CRTAM: variants seen among roughly 807,000 people sequenced by gnomAD.
CRTAM encodes the protein cytotoxic and regulatory T cell molecule, also known as cytotoxic and regulatory T-cell molecule.
In CRTAM, 44 loss-of-function variants were observed where a neutral mutation model predicts 50.0. The ratio of observed to expected loss-of-function variants is 0.88; its 90% CI spans 0.69 to 1.13. The LOEUF (loss-of-function observed/expected upper bound fraction) is 1.13. CRTAM is among the 50% of genes most tolerant of loss of function. The probability of loss-of-function intolerance (pLI) is 0.00; values close to 1 mark genes in which losing one functional copy is unlikely to be tolerated. For synonymous variants in CRTAM, 159 were observed against 169.3 expected, an observed-to-expected ratio of 0.94 and a Z score of 0.47; for missense variants, 448 against 457.5, an observed-to-expected ratio of 0.98 and a Z score of 0.19.
intron 7 of CRTAM, among the ~76,000 whole-genome samples, 160 bp from the exon 8 acceptor site, chr11:122,867,249 G>A (rs1484868186): frequency 2.6e-5 from 4 of 151,574 alleles, no homozygotes; most frequent in African/African-American, 9.7e-5. Context: ...AATGAACAAT[G>A]TAAGTCTCTT....
At chr11:122,870,890 G>T (rs1591359322) in intron 9 of CRTAM, among the ~76,000 whole-genome samples, 3 of 152,076 alleles carry the variant, frequency 2.0e-5, no homozygotes, top group Admixed American at 2.0e-4. Flanking sequence ...ACCAGCCTAG[G>T]CAATATAGTG....
chr11:122,867,678 C>A, intron 8 of CRTAM, 123 bp downstream of exon 8: 2 of 961,420 alleles, frequency 2.1e-6, no homozygotes, highest in African/African-American at 1.6e-5. Flanking sequence ...TAAGTGCTGT[C>A]TCAGATAAGC....
At chr11:122,860,293 G>T (rs534155368) in intron 5 of CRTAM, among the ~76,000 whole-genome samples, 2 of 152,246 alleles carry the variant, frequency 1.3e-5, no homozygotes, top group Admixed American at 6.5e-5. Flanking sequence ...CAGGTGATCT[G>T]CCCGCCTTCA....
At chr11:122,868,188 A>ATGTGTCTGTG in intron 9 of CRTAM, 89 bp downstream of exon 9, 1 of 438,344 alleles carries the variant, frequency 2.3e-6, no homozygotes, top group Non-Finnish European at 4.2e-6. Flanking sequence ...ACAACAGAAT[A>ATGTGTCTGTG]TGTGTGTGTG....
chr11:122,851,025 A>G (rs1316130981), intron 2 of CRTAM, among the ~76,000 whole-genome samples: 4 of 151,882 alleles, frequency 2.6e-5, no homozygotes, highest in Non-Finnish European at 1.5e-5. Context: ...ACTTTGGGAG[A>G]CTGAGGCTGG....
intron 1 of CRTAM, 51 bp downstream of exon 1, chr11:122,838,643 C>T (rs1166156232): frequency 3.3e-6 from 5 of 1,537,878 alleles, no homozygotes; most frequent in Non-Finnish European, 4.5e-6. Flanking sequence ...TAATGTTTTG[C>T]CACATCTACC....
chr11:122,867,476 C>T lies in CRTAM; in HGVS notation c.885C>T (p.Ser295=). 1.2e-6 allele frequency: 2 copies of T among 1,614,020 alleles called. No individual in the cohort carries two copies. The highest frequency in any genetic ancestry group is 8.5e-7 in the Non-Finnish European group (1 of 1,179,976). The stretch of plus-strand genomic sequence containing the variant: ...GCATCCTGCTGCTCACGCTGGTGTC[C>T]TTCCTCATTTTCATACTCTTCATCA... ...KSGILLLTLV[S]FLIFILFIIV... Residue 295 remains serine (S), a synonymous_variant, in exon 8 of 10, where the codon TCC becomes TCT. Transcript: ENST00000227348.
At chr11:122,854,129 A>C in intron 4 of CRTAM, 43 bp downstream of exon 4, 1 of 1,589,574 alleles carries the variant, frequency 6.3e-7, no homozygotes, top group Non-Finnish European at 8.6e-7. Context: ...TCCTACTCAA[A>C]TTTCCAGGGG....
At chr11:122,841,514 C>T (rs1018890633) in intron 1 of CRTAM, among the ~76,000 whole-genome samples, 1 of 151,664 alleles carries the variant, frequency 6.6e-6, no homozygotes, top group African/African-American at 2.4e-5. Flanking sequence ...CATTCTCCTG[C>T]CTCAGCCTCC....
intron 3 of CRTAM, 72 bp from the exon 4 acceptor site, chr11:122,853,871 A>G: frequency 1.4e-6 from 2 of 1,405,952 alleles, no homozygotes; most frequent in Non-Finnish European, 2.0e-6. Flanking sequence ...CCTACAGATT[A>G]TTAGCCTCTG....
chr11:122,871,283 C>G lies in CRTAM; in HGVS notation c.1066C>G (p.Arg356Gly). The G allele has an allele frequency of 1.2e-6, 2 of 1,612,266 alleles. No homozygotes were observed. The highest frequency in any genetic ancestry group is 2.2e-5 in the East Asian group (1 of 44,796). ...TTTTCTTTCAGCTTCCCACCCTATG[C>G]GTTGCATGAACTACATCACAAAGTT... ...EKNGQSSHPM[R>G]CMNYITKLYS... is the part of the protein sequence containing the mutation. Residue 356 changes from arginine (R) to glycine (G), a missense_variant, in exon 10 of 10, where the codon CGT (arginine) becomes GGT (glycine). Arg to Gly is a moderately radical substitution (Grantham distance 125, BLOSUM62 -2). Coordinates refer to ENST00000227348, the MANE Select transcript of CRTAM (RefSeq NM_019604.4).
At chr11:122,869,735 C>T (rs1862230554) in intron 9 of CRTAM, among the ~76,000 whole-genome samples, 3 of 152,138 alleles carry the variant, frequency 2.0e-5, no homozygotes, top group African/African-American at 7.2e-5. Context: ...TTTATAACAC[C>T]TCTGCCTCTT....
At chr11:122,845,318 G>C (rs1367805606) in intron 1 of CRTAM, among the ~76,000 whole-genome samples, 1 of 152,192 alleles carries the variant, frequency 6.6e-6, no homozygotes, top group Admixed American at 6.5e-5. Flanking sequence ...CCTTGGCAAA[G>C]AGAGATTTCA....
chr11:122,840,509 A>G (rs1367229192), intron 1 of CRTAM, among the ~76,000 whole-genome samples: 2 of 152,174 alleles, frequency 1.3e-5, no homozygotes, highest in African/African-American at 2.4e-5. Flanking sequence ...CACAATTTGG[A>G]GGATTCAATA....
At chr11:122,861,571 G>A (rs140122748) in intron 5 of CRTAM, among the ~76,000 whole-genome samples, 85 of 150,876 alleles carry the variant, frequency 5.6e-4, no homozygotes, top group African/African-American at 2.0e-3. Flanking sequence ...AAGTAGCTGG[G>A]ATTACAAACA....
intron 5 of CRTAM, among the ~76,000 whole-genome samples, chr11:122,856,341 T>C (rs1249139695): frequency 1.3e-5 from 2 of 152,246 alleles, no homozygotes; most frequent in Non-Finnish European, 1.5e-5. Flanking sequence ...AGTTTAACCA[T>C]GTTAATATTC....
rs553920434 is a variant in CRTAM at position 122,841,278 on chromosome 11, G to C, written c.46+2686G>C. On this transcript the variant is annotated intron_variant, in intron 1 of 9. Transcript: ENST00000227348. ...AGTCATGTAACTAGGGCTCTGATTT[G>C]AGAATTAATGCATTGCATGTCTCTG... 7.2e-5 allele frequency among the ~76,000 whole-genome samples: 11 copies of C among 152,216 alleles called. No homozygotes were observed. In the South Asian group the frequency reaches 2.3e-3, roughly 32 times the overall value.
intron 6 of CRTAM, among the ~76,000 whole-genome samples, chr11:122,863,251 G>GAAAGAA (rs1565292582): frequency 2.8e-5 from 2 of 71,390 alleles, no homozygotes; most frequent in Non-Finnish European, 5.6e-5. Flanking sequence ...GAAAGAAAGA[G>GAAAGAA]AGAAAGAAAA....
intron 9 of CRTAM, among the ~76,000 whole-genome samples, chr11:122,868,421 G>A (rs1050538666): frequency 2.0e-5 from 3 of 151,958 alleles, no homozygotes; most frequent in East Asian, 1.9e-4. Flanking sequence ...AGGGAGTCTC[G>A]AGTTCTGCTG....
Sources: gnomAD v4.1 joint callset for allele counts (sites outside exome capture counted in the v4.1 genomes callset) on GRCh38, gnomAD v4.1.1 for gene constraint, MANE v1.5 for transcripts, NCBI Gene and HGNC (gene_info 2026-07-23, HGNC 2026-07-21) for gene names.